Variants in ST6GALNAC5 observed in about 807,000 individuals in gnomAD.
ST6GALNAC5 encodes alpha-N-acetylgalactosaminide alpha-2,6-sialyltransferase 5.
In ST6GALNAC5, 27 loss-of-function variants were observed where a neutral mutation model predicts 33.6. The observed-to-expected ratio is 0.80, with a 90% CI of 0.59 to 1.11. The LOEUF is 1.11. Among genes scored for constraint, ST6GALNAC5 ranks in the 50% least tolerant of loss-of-function variants. The pLI is 0.00. For missense variants in ST6GALNAC5, 428 were observed against 454.0 expected (o/e 0.94, Z 0.52); for synonymous variants, 194 against 171.2 (o/e 1.13, Z -1.04).
In ST6GALNAC5 at chr1:76,868,782, G is replaced by A. The variant is rs960603007; in HGVS notation, c.261+40G>A. ...GCCAGCCCGCTCGCCACTCAGCCTGGGGATCCCGCACACCTGAGCCTTCCC... is the reference window on the plus strand; with the variant it reads ...GCCAGCCCGCTCGCCACTCAGCCTGAGGATCCCGCACACCTGAGCCTTCCC... On this transcript the variant is annotated intron_variant, in intron 2 of 4. Coordinates refer to ENST00000477717, the MANE Select transcript of ST6GALNAC5 (RefSeq NM_030965.3). The surrounding 1 kb of genome is among the most constrained non-coding windows in gnomAD (Gnocchi z 4.3). 8 of 1,460,110 alleles carry A rather than the reference G, an allele frequency of 5.5e-6. No homozygotes were observed. In the African/African-American group the frequency reaches 1.0e-4, roughly 18 times the overall value. The allele number at this position is 1,460,110 out of a possible 1,614,324, so 90.4% of individuals were successfully genotyped here. A position where few individuals can be genotyped will look rare whatever the true frequency, so the allele number is the denominator to read the frequency against.
rs372790287 is a variant in ST6GALNAC5, at chr1:76,868,757, G to A, written c.261+15G>A. The A allele has an allele frequency of 1.4e-6, 2 of 1,476,548 alleles. No homozygotes were observed. Among genetic ancestry groups the A allele is most frequent in the African/African-American group, 1.4e-5 (1 of 70,224 alleles). 91.5% of individuals were successfully genotyped at this position (1,476,548 alleles called of 1,614,324 possible). A position where few individuals can be genotyped will look rare whatever the true frequency, so the allele number is the denominator to read the frequency against. On this transcript the variant is annotated intron_variant, in intron 2 of 4. Coordinates refer to ENST00000477717, the MANE Select transcript of ST6GALNAC5 (RefSeq NM_030965.3). The surrounding 1 kb of genome is among the most constrained non-coding windows in gnomAD (Gnocchi z 4.3). The stretch of plus-strand genomic sequence containing the variant: ...CGGACCACAAGGTGACAGCATGCCC[G>A]CCAGCCCGCTCGCCACTCAGCCTGG...
At chr1:76,879,429 A>G (rs956394269) in intron 2 of ST6GALNAC5, among the ~76,000 whole-genome samples, 1 of 152,206 alleles carries the variant, frequency 6.6e-6, no homozygotes, top group African/African-American at 2.4e-5. Flanking sequence ...TACCCTTAAT[A>G]TGCATTCTTA....
chr1:76,995,002 C>T (rs190463938), intron 2 of ST6GALNAC5, among the ~76,000 whole-genome samples: 10 of 152,254 alleles, frequency 6.6e-5, no homozygotes, highest in African/African-American at 1.9e-4. Flanking sequence ...GAATTACCCT[C>T]CAGAATTCAT....
chr1:76,923,787 C>T (rs568348356), intron 2 of ST6GALNAC5, among the ~76,000 whole-genome samples: 1 of 152,200 alleles, frequency 6.6e-6, no homozygotes, highest in East Asian at 1.9e-4. Context: ...TGCAGCAGAA[C>T]AATTACGTGT....
chr1:76,942,345 A>T (rs538658323), intron 2 of ST6GALNAC5, among the ~76,000 whole-genome samples: 1 of 152,216 alleles, frequency 6.6e-6, no homozygotes, highest in East Asian at 1.9e-4. Context: ...ATTCTCACAC[A>T]TTGGTCACAT....
At chr1:76,892,293 G>C (rs1212216681) in intron 2 of ST6GALNAC5, among the ~76,000 whole-genome samples, 1 of 152,082 alleles carries the variant, frequency 6.6e-6, no homozygotes, top group Non-Finnish European at 1.5e-5. Flanking sequence ...TTTTCTTGAT[G>C]TTGTTTCAAA....
intron 4 of ST6GALNAC5, among the ~76,000 whole-genome samples, chr1:77,058,172 T>C (rs1458668299): frequency 6.6e-6 from 1 of 152,236 alleles, no homozygotes; most frequent in African/African-American, 2.4e-5. Flanking sequence ...CAGAGTCAAC[T>C]GGAGTCAACT....
chr1:77,056,690 C>T lies in ST6GALNAC5; in HGVS notation c.780-6285C>T, dbSNP rs193068836. 2.0e-3 allele frequency among the ~76,000 whole-genome samples: 304 copies of T among 152,214 alleles called. 3 individuals carry two copies. Among genetic ancestry groups the T allele is most frequent in the South Asian group, 0.016 (77 of 4,812 alleles). ...GAAGACGGGTGTGGAATGGCAATGC[C>T]GCCCATGTGGTTTATGTTTTATGAA... On this transcript the variant is annotated intron_variant, in intron 4 of 4. Transcript: ENST00000477717.
At chr1:76,950,239 C>T (rs576895218) in intron 2 of ST6GALNAC5, among the ~76,000 whole-genome samples, 2 of 152,192 alleles carry the variant, frequency 1.3e-5, no homozygotes, top group Non-Finnish European at 2.9e-5. Flanking sequence ...TGCACTCTAC[C>T]GTGCTAAATA....
intron 2 of ST6GALNAC5, among the ~76,000 whole-genome samples, chr1:76,915,285 C>A (rs1344155008): frequency 6.6e-6 from 1 of 151,750 alleles, no homozygotes; most frequent in Non-Finnish European, 1.5e-5. Flanking sequence ...GTCAGTGTGG[C>A]GATTCCTCAG....
At chr1:76,922,641 T>C (rs1175853068) in intron 2 of ST6GALNAC5, among the ~76,000 whole-genome samples, 1 of 152,118 alleles carries the variant, frequency 6.6e-6, no homozygotes, top group Non-Finnish European at 1.5e-5. Context: ...GACACATTGA[T>C]CAATAGAATA....
At chr1:77,026,932 G>A (rs1011852206) in intron 2 of ST6GALNAC5, among the ~76,000 whole-genome samples, 3 of 152,216 alleles carry the variant, frequency 2.0e-5, no homozygotes, top group African/African-American at 7.2e-5. Flanking sequence ...GAAGAGCAAG[G>A]CAGGCACTGC....
At chr1:77,000,924 G>A (rs12971109) in intron 2 of ST6GALNAC5, among the ~76,000 whole-genome samples, 52,292 of 151,334 alleles carry the variant, frequency 0.35, 11,030 homozygotes, top group East Asian at 0.49. Context: ...GTCAGGTAGC[G>A]TGATGCCTCC....
intron 2 of ST6GALNAC5, among the ~76,000 whole-genome samples, chr1:77,013,447 A>G (rs566021185): frequency 6.6e-6 from 1 of 152,162 alleles, no homozygotes; most frequent in South Asian, 2.1e-4. Flanking sequence ...TTGTTGTTTG[A>G]TTTTACGTAT....
chr1:76,922,260 C>T (rs1280942337), intron 2 of ST6GALNAC5, among the ~76,000 whole-genome samples: 1 of 152,084 alleles, frequency 6.6e-6, no homozygotes, highest in Middle Eastern at 3.2e-3. Flanking sequence ...AAAACATTTA[C>T]AATCACTCCA....
intron 2 of ST6GALNAC5, among the ~76,000 whole-genome samples, chr1:76,917,036 A>T (rs1646983033): frequency 6.6e-6 from 1 of 152,196 alleles, no homozygotes; most frequent in Non-Finnish European, 1.5e-5. Context: ...CTCCTAGAAT[A>T]ACTCCCTCAG....
At chr1:77,045,633 C>T (rs983577536) in intron 3 of ST6GALNAC5, among the ~76,000 whole-genome samples, 2 of 152,082 alleles carry the variant, frequency 1.3e-5, no homozygotes, top group Non-Finnish European at 2.9e-5. Flanking sequence ...AGCTGAGACC[C>T]AGGGCAATAA....
At chr1:76,998,609 C>T (rs6673583) in intron 2 of ST6GALNAC5, among the ~76,000 whole-genome samples, 1 of 152,128 alleles carries the variant, frequency 6.6e-6, no homozygotes, top group Non-Finnish European at 1.5e-5. Flanking sequence ...GTTTCCTTTA[C>T]ATGCCACTCA....
At chr1:76,937,811 C>G (rs1647227610) in intron 2 of ST6GALNAC5, among the ~76,000 whole-genome samples, 1 of 152,060 alleles carries the variant, frequency 6.6e-6, no homozygotes, top group Non-Finnish European at 1.5e-5. Context: ...TCAGTAAGGA[C>G]AAGAGAACAG....
Sources: allele counts gnomAD v4.1 joint callset (sites outside exome capture counted in the v4.1 genomes callset), GRCh38; gene constraint gnomAD v4.1.1; non-coding constraint Gnocchi (gnomAD v3.1); transcripts MANE v1.5; gene names NCBI Gene and HGNC (gene_info 2026-07-23, HGNC 2026-07-21).